The following PTAFR variants were observed in gnomAD, a reference collection of about 807,000 sequenced individuals.
PTAFR encodes platelet-activating factor receptor.
Under a neutral mutation model 14.7 loss-of-function variants are expected in PTAFR, and 8 were observed. The observed-to-expected ratio is 0.54, with a 90% CI of 0.32 to 0.98. The LOEUF is 0.98. PTAFR is among the 50% of genes least tolerant of loss of function. The pLI, the probability that PTAFR is intolerant of heterozygous loss-of-function variation, is 0.04. For synonymous variants in PTAFR, 156 were observed against 176.5 expected, an observed-to-expected ratio of 0.88 and a Z score of 0.92; for missense variants, 337 against 451.2, an observed-to-expected ratio of 0.75 and a Z score of 2.29.
chr1:28,175,763 T>C (rs1003521107), intron 1 of PTAFR, among the ~76,000 whole-genome samples: 1 of 152,132 alleles, frequency 6.6e-6, no homozygotes, highest in Non-Finnish European at 1.5e-5. Flanking sequence ...AGTTCCTAAG[T>C]ACCCCGCCCT....
chr1:28,181,499 T>C (rs1003741486), upstream of PTAFR, among the ~76,000 whole-genome samples: 8 of 151,832 alleles, frequency 5.3e-5, no homozygotes, highest in Non-Finnish European at 7.4e-5. Flanking sequence ...GTAATCTCAG[T>C]ACTTTGGGAG....
intron 1 of PTAFR, among the ~76,000 whole-genome samples, chr1:28,161,178 G>T (rs1267559673): frequency 1.3e-5 from 2 of 152,128 alleles, no homozygotes; most frequent in Admixed American, 1.3e-4. Flanking sequence ...CTCCACCCGC[G>T]GTCTGGTTAA....
rs573286976 is a variant in PTAFR, at chr1:28,162,944, G to A, written c.-38-11885C>T. Among the ~76,000 whole-genome samples, 4 of 151,530 alleles carry A rather than the reference G, an allele frequency of 2.6e-5. No homozygotes were observed. In the South Asian group the frequency reaches 8.3e-4, roughly 31 times the overall value. On this transcript the variant is annotated intron_variant, in intron 1 of 1. Coordinates refer to ENST00000373857, the MANE Select transcript of PTAFR (RefSeq NM_000952.5). The stretch of plus-strand genomic sequence containing the variant: ...CCCAACAACTGCCAGCCACACACTT[G>A]CCTGGGCTAACATCTTCCGTGGCTC...
chr1:28,187,755 T>C (rs1646618750), intron 1 of PTAFR, among the ~76,000 whole-genome samples: 2 of 152,178 alleles, frequency 1.3e-5, no homozygotes, highest in African/African-American at 4.8e-5. Context: ...AGAGCTGGGA[T>C]TACGGGCGTG....
rs556620862 is a variant in PTAFR, at chr1:28,154,610, G to A, written c.-38-3551C>T. On this transcript the variant is annotated intron_variant, in intron 1 of 1. Coordinates refer to ENST00000373857, the MANE Select transcript of PTAFR (RefSeq NM_000952.5). ...GTGGATTGCCTGAGCTTAGGAGTTC[G>A]AGACCAGCCTGGGCAACACGGTGAA... is the stretch of plus-strand genomic sequence containing the variant. Among the ~76,000 whole-genome samples the A allele has an allele frequency of 5.9e-5, 9 of 152,090 alleles. No homozygotes were observed. In the East Asian group the frequency reaches 9.7e-4, roughly 16 times the overall value.
upstream of PTAFR, chr1:28,176,728 G>A (rs1646519452): frequency 6.5e-6 from 1 of 152,908 alleles, no homozygotes; most frequent in Non-Finnish European, 1.5e-5. Context: ...TCACCCCTGG[G>A]AGGAAATGCT....
chr1:28,175,609 C>T (rs375648661), intron 1 of PTAFR, among the ~76,000 whole-genome samples: 1 of 151,838 alleles, frequency 6.6e-6, no homozygotes, highest in East Asian at 1.9e-4. Context: ...CTCCTGCAAG[C>T]AGAGGACGGT....
At chr1:28,153,581 C>CAA (rs36049566) in intron 1 of PTAFR, among the ~76,000 whole-genome samples, 94 of 62,596 alleles carry the variant, frequency 1.5e-3, no homozygotes, top group African/African-American at 1.7e-3. Context: ...CCTGTCTCTA[C>CAA]AAAAAAAAAA....
chr1:28,154,505 TACAA>T (rs1444027356), intron 1 of PTAFR, among the ~76,000 whole-genome samples: 1 of 152,100 alleles, frequency 6.6e-6, no homozygotes, highest in Non-Finnish European at 1.5e-5. Flanking sequence ...ACCGTTGTTA[TACAA>T]ACAAACAGGA....
At chr1:28,152,548 G>A (rs542013593) in intron 1 of PTAFR, among the ~76,000 whole-genome samples, 1 of 152,204 alleles carries the variant, frequency 6.6e-6, no homozygotes, top group Admixed American at 6.5e-5. Context: ...TTCGAGACCA[G>A]CCTGGCCAAC....
chr1:28,172,864 G>A (rs556191685), intron 1 of PTAFR, among the ~76,000 whole-genome samples: 4 of 151,894 alleles, frequency 2.6e-5, no homozygotes, highest in Non-Finnish European at 5.9e-5. Context: ...CCTGTGCCTC[G>A]CTTATCTCAA....
At chr1:28,168,663 A>G (rs2149000252) in intron 1 of PTAFR, among the ~76,000 whole-genome samples, 1 of 152,206 alleles carries the variant, frequency 6.6e-6, no homozygotes, top group African/African-American at 2.4e-5. Context: ...CAAGATGAAA[A>G]CATTCTTTTT....
chr1:28,170,796 C>G (rs533250433), intron 1 of PTAFR, among the ~76,000 whole-genome samples: 2 of 151,372 alleles, frequency 1.3e-5, no homozygotes. Flanking sequence ...ATCAGGAGAT[C>G]GAGACCATCC....
chr1:28,185,232 G>A (rs1646596691), intron 1 of PTAFR, among the ~76,000 whole-genome samples: 2 of 152,124 alleles, frequency 1.3e-5, no homozygotes. Flanking sequence ...CTGGAACATT[G>A]CCTGGCACAT....
chr1:28,154,811 CAA>C (rs35917959), intron 1 of PTAFR, among the ~76,000 whole-genome samples: 3 of 37,306 alleles, frequency 8.0e-5, no homozygotes, highest in African/African-American at 2.2e-4. Context: ...GACTCTGTCT[CAA>C]AAAAAAAAAA....
At chr1:28,191,207 G>C (rs1572053243) in intron 1 of PTAFR, among the ~76,000 whole-genome samples, 1 of 152,210 alleles carries the variant, frequency 6.6e-6, no homozygotes, top group African/African-American at 2.4e-5. Context: ...CCTCGCGGGG[G>C]AGGCCTGACA....
chr1:28,158,438 G>A (rs1207762343), intron 1 of PTAFR, among the ~76,000 whole-genome samples: 2 of 152,172 alleles, frequency 1.3e-5, no homozygotes, highest in African/African-American at 2.4e-5. Flanking sequence ...GGTGGCTCAC[G>A]CCTGTAATCC....
In PTAFR at chr1:28,150,301, A is replaced by G. The variant is rs1436949736; in HGVS notation, c.721T>C (p.Phe241Leu). The part of the protein sequence containing the change: ...LWMVCTVLAV[F>L]IICFVPHHVV... ...TGGTGGGGCACGAAGCAGATGATGA[A>G]CACCGCCAAGACCGTGCACACCATC... is the stretch of plus-strand genomic sequence containing the variant. Residue 241 changes from phenylalanine to leucine, a missense_variant, in exon 2 of 2, where the codon TTC (phenylalanine) becomes CTC (leucine). Coordinates refer to ENST00000373857, the MANE Select transcript of PTAFR (RefSeq NM_000952.5). The surrounding 1 kb of genome is among the most constrained non-coding windows in gnomAD (Gnocchi z 6.3). 5.0e-6 allele frequency: 8 copies of G among 1,612,462 alleles called. No individual in the cohort carries two copies. Among genetic ancestry groups the G allele is most frequent in the Non-Finnish European group, 6.8e-6 (8 of 1,178,842 alleles).
intron 1 of PTAFR, among the ~76,000 whole-genome samples, chr1:28,164,329 C>G (rs994306614): frequency 6.6e-6 from 1 of 152,210 alleles, no homozygotes; most frequent in East Asian, 1.9e-4. Context: ...ATCCACAGCT[C>G]CTGCACCAGC....
Sources: allele counts gnomAD v4.1 joint callset (sites outside exome capture counted in the v4.1 genomes callset), GRCh38; gene constraint gnomAD v4.1.1; non-coding constraint Gnocchi (gnomAD v3.1); transcripts MANE v1.5; gene names NCBI Gene and HGNC (gene_info 2026-07-23, HGNC 2026-07-21).